Variants in ZNF606 observed in about 807,000 individuals in gnomAD.
The protein encoded by ZNF606 is zinc finger protein 606.
In ZNF606, 37 loss-of-function variants were observed where a neutral mutation model predicts 74.9. That is an observed-to-expected ratio of 0.49 (90% CI 0.38 to 0.65). The LOEUF (loss-of-function observed/expected upper bound fraction) is 0.65. ZNF606 is among the 30% of genes least tolerant of loss of function. The pLI, the probability that ZNF606 is intolerant of heterozygous loss-of-function variation, is 0.00. For synonymous variants in ZNF606, 328 were observed against 312.4 expected, an observed-to-expected ratio of 1.05 and a Z score of -0.53; for missense variants, 852 against 952.9, an observed-to-expected ratio of 0.89 and a Z score of 1.39.
chr19:57,981,553 C>G (rs899717553), intron 6 of ZNF606, among the ~76,000 whole-genome samples: 2 of 152,194 alleles, frequency 1.3e-5, no homozygotes, highest in Admixed American at 6.5e-5. Flanking sequence ...GCTCTCACTT[C>G]TGTGTTATAA....
intron 5 of ZNF606, 66 bp from the exon 6 acceptor site, chr19:57,988,368 CT>C: frequency 6.6e-7 from 1 of 1,515,480 alleles, no homozygotes; most frequent in Non-Finnish European, 9.1e-7. Context: ...GAAAGCTTCT[CT>C]TGCCTATTCC....
In ZNF606 at chr19:57,979,523, A is replaced by G; in HGVS notation, c.1157T>C (p.Phe386Ser). The change falls in exon 7 of 7, where the codon TTC (phenylalanine) becomes TCC (serine). Residue 386 changes from phenylalanine (F) to serine (S), a missense_variant. By Grantham distance (155) the Phe-to-Ser change is radical (BLOSUM62 -2). Coordinates refer to ENST00000551380, the MANE Select transcript of ZNF606 (RefSeq NM_001348022.3). ...EWEKVFGYDS[F>S]LTQHTSTYTA... ...GTAAGTGCTTGTATGTTGAGTAAGG[A>G]AAGAGTCATACCCAAAGACTTTCTC... The G allele has an allele frequency of 6.2e-7, 1 of 1,613,720 alleles. No individual in the cohort carries two copies.
intron 4 of ZNF606, 121 bp from the exon 5 acceptor site, chr19:57,988,842 T>A: frequency 6.7e-7 from 1 of 1,497,172 alleles, no homozygotes; most frequent in African/African-American, 1.4e-5. Context: ...CTCCTGGTTA[T>A]TCAAGAGTCT....
chr19:57,980,772 T>G (rs1325754695), intron 6 of ZNF606, among the ~76,000 whole-genome samples: 1 of 149,986 alleles, frequency 6.7e-6, no homozygotes, highest in African/African-American at 2.5e-5. Flanking sequence ...GAGGCAGAGC[T>G]TGCAGTGAGC....
At position 58,002,684 on chromosome 19, in the gene ZNF606, G is replaced by T; in HGVS notation, c.-340C>A. 1 of 454,594 alleles carries T rather than the reference G, an allele frequency of 2.2e-6. No individual in the cohort carries two copies. Among genetic ancestry groups the T allele is most frequent in the South Asian group, 1.6e-5 (1 of 64,488 alleles). 28.2% of individuals were successfully genotyped at this position (454,594 alleles called of 1,614,324 possible). ...CAAAGCCGGCGCGGAAAGGGCAGGCGCAGGACCCACCCTGACGCCGCCTCT... is the reference window on the plus strand; with the variant it reads ...CAAAGCCGGCGCGGAAAGGGCAGGCTCAGGACCCACCCTGACGCCGCCTCT... On this transcript the variant is annotated 5_prime_UTR_variant, in exon 1 of 7. Transcript: ENST00000551380.
Position 57,979,694 on chromosome 19 carries a change from C to T in ZNF606, c.986G>A (p.Ser329Asn), listed in dbSNP as rs754421111. 3.7e-6 allele frequency: 6 copies of T among 1,613,406 alleles called. No homozygotes were observed. In the East Asian group the frequency reaches 1.3e-4, roughly 36 times the overall value. The change falls in exon 7 of 7, where the codon AGC (serine) becomes AAC (asparagine). Residue 329 changes from serine to asparagine, a missense_variant. Physicochemically the swap from Ser to Asn is conservative, Grantham distance 46. Coordinates refer to ENST00000551380, the MANE Select transcript of ZNF606 (RefSeq NM_001348022.3). Reference protein sequence around the residue: ...YKECHQIFNQSPSFNEHPRLH... With the variant: ...YKECHQIFNQNPSFNEHPRLH... ...CCTTGGGTGTTCATTAAATGATGGG[C>T]TCTGGTTAAAGATTTGATGGCATTC... is the stretch of plus-strand genomic sequence containing the variant.
At position 57,978,907 on chromosome 19, in the gene ZNF606, C is replaced by T. The variant is rs148159417; in HGVS notation, c.1773G>A (p.Thr591=). The change falls in exon 7 of 7, where the codon ACG becomes ACA. Residue 591 remains threonine (T), a synonymous_variant. Transcript: ENST00000551380. The surrounding 1 kb of genome is among the most constrained non-coding windows in gnomAD (Gnocchi z 4.4). ...SHLIAHQRTH[T]GEKPYNCQEC... ...CCTGACAGTTATATGGTTTCTCTCCCGTGTGAGTTCTCTGATGGGCAATAA... is the reference window on the plus strand; with the variant it reads ...CCTGACAGTTATATGGTTTCTCTCCTGTGTGAGTTCTCTGATGGGCAATAA... 5.5e-5 allele frequency: 88 copies of T among 1,613,822 alleles called. 1 individual carries two copies. The highest frequency in any genetic ancestry group is 1.3e-4 in the East Asian group (6 of 44,828).
At chr19:57,984,370 G>A (rs1028381945) in intron 6 of ZNF606, among the ~76,000 whole-genome samples, 3 of 152,208 alleles carry the variant, frequency 2.0e-5, no homozygotes, top group Admixed American at 6.5e-5. Context: ...AACTAAGAAT[G>A]GGCAGCACTG....
At chr19:57,996,153 C>T (rs1164839589) in intron 4 of ZNF606, among the ~76,000 whole-genome samples, 2 of 152,188 alleles carry the variant, frequency 1.3e-5, no homozygotes, top group African/African-American at 4.8e-5. Context: ...AGAGCTGCCC[C>T]CAGCTGAATA....
chr19:57,996,739 G>A (rs2073347082), intron 4 of ZNF606, among the ~76,000 whole-genome samples: 1 of 152,176 alleles, frequency 6.6e-6, no homozygotes, highest in South Asian at 2.1e-4. Flanking sequence ...CTGCTACAGG[G>A]AGGAGCAAAC....
rs920015741 is a variant in ZNF606, at chr19:57,978,054, C to T, written c.*247G>A. 2 of 338,594 alleles carry T rather than the reference C, an allele frequency of 5.9e-6. No homozygotes were observed. Among genetic ancestry groups the T allele is most frequent in the South Asian group, 6.8e-5 (1 of 14,636 alleles). 21.0% of individuals were successfully genotyped at this position (338,594 alleles called of 1,614,324 possible). Reference sequence around the variant, plus strand: ...TCCTCAAGTATGAATTACTGGTAGACCATAAGGGGAGTTTAGAGTTTCCTT... The same window carrying T: ...TCCTCAAGTATGAATTACTGGTAGATCATAAGGGGAGTTTAGAGTTTCCTT... On this transcript the variant is annotated 3_prime_UTR_variant, in exon 7 of 7. Coordinates refer to ENST00000551380, the MANE Select transcript of ZNF606 (RefSeq NM_001348022.3). This position sits in a 1 kb window ranked among gnomAD's most constrained non-coding sequence, Gnocchi z 4.4.
At position 57,979,411 on chromosome 19, in the gene ZNF606, A is replaced by G. The variant is rs1400493969; in HGVS notation, c.1269T>C (p.Thr423=). Reference sequence around the variant, plus strand: ...TATCACATTCATAGGGTTTTTCTCCAGTATGAGTTTTCTTATGTTGAATAA... The same window carrying G: ...TATCACATTCATAGGGTTTTTCTCCGGTATGAGTTTTCTTATGTTGAATAA... ...SYLIQHKKTH[T]GEKPYECDKC... Residue 423 remains threonine, a synonymous_variant, in exon 7 of 7, where the codon ACT becomes ACC. Transcript: ENST00000551380. 4 of 1,613,758 alleles carry G rather than the reference A, an allele frequency of 2.5e-6. No individual in the cohort carries two copies. The African/African-American group carries it at 4.0e-5, about 16-fold the overall frequency.
At position 57,999,887 on chromosome 19, in the gene ZNF606, G is replaced by A. The variant is rs752141308; in HGVS notation, c.98C>T (p.Pro33Leu). Reference protein sequence around the residue: ...VDPWASWALCPQYPAWHVEGS... With the variant: ...VDPWASWALCLQYPAWHVEGS... ...CTCCACGTGCCAGGCAGGATACTGA[G>A]GACACAGAGCTAGGAAACGAGAAAA... The change falls in exon 4 of 7, where the codon CCT becomes CTT. Residue 33 changes from proline to leucine, a missense_variant. Pro to Leu is a moderately conservative substitution (Grantham distance 98). Coordinates refer to ENST00000551380, the MANE Select transcript of ZNF606 (RefSeq NM_001348022.3). 14 of 1,613,694 alleles carry A rather than the reference G, an allele frequency of 8.7e-6. No homozygotes were observed. The highest frequency in any genetic ancestry group is 1.3e-5 in the African/African-American group (1 of 74,924).
At chr19:57,991,780 A>AAAATAAAT (rs80231379) in intron 4 of ZNF606, among the ~76,000 whole-genome samples, 4,315 of 148,678 alleles carry the variant, frequency 0.029, 178 homozygotes, top group African/African-American at 0.088. Flanking sequence ...ACTCTGTCTC[A>AAAATAAAT]AAATAAATAA....
At chr19:57,987,732 G>C (rs1568577786) in intron 6 of ZNF606, among the ~76,000 whole-genome samples, 1 of 152,146 alleles carries the variant, frequency 6.6e-6, no homozygotes, top group Non-Finnish European at 1.5e-5. Context: ...GGAGGCTGAG[G>C]TGGGAGAATC....
chr19:57,978,079 T>C lies in ZNF606; in HGVS notation c.*222A>G. 2.4e-6 allele frequency: 1 copy of C among 414,110 alleles called. No homozygotes were observed. The allele number at this position is 414,110 out of a possible 1,614,324, so 25.7% of individuals were successfully genotyped here. ...CCATAAGGGGAGTTTAGAGTTTCCT[T>C]CATTGTTAATTATCTGATTTTGAGT... On this transcript the variant is annotated 3_prime_UTR_variant, in exon 7 of 7. Transcript: ENST00000551380. This position sits in a 1 kb window ranked among gnomAD's most constrained non-coding sequence, Gnocchi z 4.4.
chr19:57,981,946 A>G (rs1384767035), intron 6 of ZNF606, among the ~76,000 whole-genome samples: 1 of 152,166 alleles, frequency 6.6e-6, no homozygotes, highest in East Asian at 1.9e-4. Flanking sequence ...ATCCAGCCAA[A>G]CTCCTGGCAA....
chr19:57,997,728 T>C (rs146315446), intron 4 of ZNF606: 2 of 152,366 alleles, frequency 1.3e-5, no homozygotes, highest in Non-Finnish European at 2.9e-5. Context: ...TTCTTCGCAG[T>C]GTTTTATTAC....
chr19:57,990,293 A>G (rs549580920), intron 4 of ZNF606, among the ~76,000 whole-genome samples: 25 of 151,592 alleles, frequency 1.6e-4, no homozygotes, highest in African/African-American at 6.0e-4. Context: ...TGAACCCAGG[A>G]GGCGGAGCTG....
Sources: allele counts gnomAD v4.1 joint callset (sites outside exome capture counted in the v4.1 genomes callset), GRCh38; gene constraint gnomAD v4.1.1; non-coding constraint Gnocchi (gnomAD v3.1); transcripts MANE v1.5; gene names NCBI Gene and HGNC (gene_info 2026-07-23, HGNC 2026-07-21).